ZSWIM7: variants seen among roughly 807,000 people sequenced by gnomAD.
The protein encoded by ZSWIM7 is zinc finger SWIM domain-containing protein 7.
A neutral mutation model predicts 21.1 loss-of-function variants in ZSWIM7; 22 were observed. The observed-to-expected ratio is 1.04, with a 90% CI of 0.74 to 1.49. The LOEUF is 1.49. ZSWIM7 is among the 40% of genes most tolerant of loss of function. The probability of loss-of-function intolerance (pLI) is 0.00; values close to 1 mark genes in which losing one functional copy is unlikely to be tolerated. For synonymous variants in ZSWIM7, 67 were observed against 66.5 expected, an observed-to-expected ratio of 1.01 and a Z score of -0.04; for missense variants, 193 against 168.0, an observed-to-expected ratio of 1.15 and a Z score of -0.82.
chr17:15,998,091 C>G (rs1210575750), intron 1 of ZSWIM7, among the ~76,000 whole-genome samples: 2 of 150,452 alleles, frequency 1.3e-5, no homozygotes, highest in Non-Finnish European at 2.9e-5. Context: ...CAGAGCAAGA[C>G]TCTGTCTAAA....
chr17:15,989,558 T>TC (rs1435138355), intron 2 of ZSWIM7, among the ~76,000 whole-genome samples: 2 of 152,074 alleles, frequency 1.3e-5, no homozygotes, highest in Non-Finnish European at 2.9e-5. Context: ...CCTGAGGTGA[T>TC]CCCCCCGCCT....
In ZSWIM7 at chr17:15,991,534, AGTTAT is replaced by A. The variant is rs562078094; in HGVS notation, c.98+2218_98+2222del. On this transcript the variant is annotated intron_variant, in intron 2 of 4. Coordinates refer to ENST00000399277, the MANE Select transcript of ZSWIM7 (RefSeq NM_001042697.2). The stretch of plus-strand genomic sequence containing the variant: ...GTGGTCACTAATTTTCTAGATGAAA[AGTTAT>A]GTTATGTTAATTTGTATTTTTGTGG... Among the ~76,000 whole-genome samples the A allele has an allele frequency of 9.2e-5, 14 of 152,276 alleles. No homozygotes were observed. The South Asian group carries it at 1.7e-3, about 18-fold the overall frequency.
rs1030653991 is a variant in ZSWIM7, at chr17:15,985,637, T to A, written c.201+1629A>T. ...ACAATTCTTGGAAGTTAGTATTTTA[T>A]AATTAATAAAGCAATGTAATATATA... On this transcript the variant is annotated intron_variant, in intron 3 of 4. Transcript: ENST00000399277. Among the ~76,000 whole-genome samples the A allele has an allele frequency of 2.8e-4, 43 of 152,220 alleles. 1 individual carries two copies. The highest frequency in any genetic ancestry group is 8.3e-4 in the South Asian group (4 of 4,830).
chr17:15,983,956 C>T (rs901325549), intron 3 of ZSWIM7, among the ~76,000 whole-genome samples: 1 of 152,048 alleles, frequency 6.6e-6, no homozygotes, highest in East Asian at 1.9e-4. Context: ...TTAGTTATCT[C>T]GTCTCTTCTC....
intron 3 of ZSWIM7, among the ~76,000 whole-genome samples, chr17:15,982,163 G>A (rs931006669): frequency 6.6e-6 from 1 of 151,796 alleles, no homozygotes; most frequent in Non-Finnish European, 1.5e-5. Context: ...TGGTCAAGAG[G>A]GACAAAAAGG....
At chr17:15,980,638 G>A (rs763277740) in intron 4 of ZSWIM7, among the ~76,000 whole-genome samples, 27 of 152,210 alleles carry the variant, frequency 1.8e-4, no homozygotes, top group Admixed American at 3.9e-4. Flanking sequence ...TGCCCCATGT[G>A]AAGGTCAAGT....
At chr17:15,981,237 C>T in intron 3 of ZSWIM7, 93 bp from the exon 4 acceptor site, 1 of 851,258 alleles carries the variant, frequency 1.2e-6, no homozygotes, top group Non-Finnish European at 1.9e-6. Flanking sequence ...AGTTGCTCTG[C>T]AAATTGCACC....
Position 15,993,348 on chromosome 17 carries a change from T to TTTA in ZSWIM7, c.98+408_98+409insTAA, listed in dbSNP as rs1266063121. ...GTAGTAAGAATATTTTTATTTTTTATTTTATTTATTTATTTATTTATTTAT... is the reference window on the plus strand; with the variant it reads ...GTAGTAAGAATATTTTTATTTTTTATTTATTTATTTATTTATTTATTTATTTAT... On this transcript the variant is annotated intron_variant, in intron 2 of 4. Coordinates refer to ENST00000399277, the MANE Select transcript of ZSWIM7 (RefSeq NM_001042697.2). 5.1e-4 allele frequency among the ~76,000 whole-genome samples: 72 copies of TTTA among 142,438 alleles called. 1 individual carries two copies. The highest frequency in any genetic ancestry group is 1.9e-3 in the African/African-American group (69 of 36,236). 93.4% of individuals were successfully genotyped at this position (142,438 alleles called of 152,430 possible).
At position 15,981,024 on chromosome 17, in the gene ZSWIM7, T is replaced by C. The variant is rs752485428; in HGVS notation, c.306+16A>G. On this transcript the variant is annotated intron_variant, in intron 4 of 4. Coordinates refer to ENST00000399277, the MANE Select transcript of ZSWIM7 (RefSeq NM_001042697.2). ...CTACATTCAACTACAGTGGGAAGAGTCTTCCCCATCCTCACCAGGATGCTG... is the reference window on the plus strand; with the variant it reads ...CTACATTCAACTACAGTGGGAAGAGCCTTCCCCATCCTCACCAGGATGCTG... 33 of 1,594,240 alleles carry C rather than the reference T, an allele frequency of 2.1e-5. No individual in the cohort carries two copies. The highest frequency in any genetic ancestry group is 2.7e-5 in the Non-Finnish European group (31 of 1,164,666).
At chr17:15,986,419 G>C (rs1156716978) in intron 3 of ZSWIM7, among the ~76,000 whole-genome samples, 1 of 152,270 alleles carries the variant, frequency 6.6e-6, no homozygotes, top group African/African-American at 2.4e-5. Context: ...GCCAGGTACA[G>C]AATGACAAAT....
At position 15,978,156 on chromosome 17, in the gene ZSWIM7, T is replaced by C. The variant is rs1567788196; in HGVS notation, c.314A>G (p.His105Arg). The part of the protein sequence containing the change: ...LRKSDSILCK[H>R]LLAVYLSQVM... ...CTGACTCAGGTAAACTGCCAAGAGATGCTTGCACTGGAATATAAAACACAC... is the reference window on the plus strand; with the variant it reads ...CTGACTCAGGTAAACTGCCAAGAGACGCTTGCACTGGAATATAAAACACAC... The change falls in exon 5 of 5, where the codon CAT (histidine) becomes CGT (arginine). Residue 105 changes from histidine to arginine, a missense_variant. By Grantham distance (29) the His-to-Arg change is conservative (BLOSUM62 0). Transcript: ENST00000399277. 1 of 1,613,366 alleles carries C rather than the reference T, an allele frequency of 6.2e-7. No individual in the cohort carries two copies. The highest frequency in any genetic ancestry group is 2.2e-5 in the East Asian group (1 of 44,880).
At chr17:15,981,432 G>A (rs560322052) in intron 3 of ZSWIM7, among the ~76,000 whole-genome samples, 12 of 151,662 alleles carry the variant, frequency 7.9e-5, no homozygotes, top group African/African-American at 2.9e-4. Context: ...TGATTCATGG[G>A]GCCCACTCTA....
chr17:15,978,259 A>G, intron 4 of ZSWIM7, 96 bp from the exon 5 acceptor site: 1 of 872,954 alleles, frequency 1.1e-6, no homozygotes, highest in Non-Finnish European at 1.9e-6. Flanking sequence ...TTGGCAGGAG[A>G]AGACTAGAGC....
chr17:15,979,443 C>T (rs1004661227), intron 4 of ZSWIM7, among the ~76,000 whole-genome samples: 19 of 152,252 alleles, frequency 1.2e-4, no homozygotes, highest in Non-Finnish European at 2.5e-4. Context: ...CTACCTTTCC[C>T]TGCTTTCTAT....
At chr17:15,992,418 T>C (rs1476118162) in intron 2 of ZSWIM7, among the ~76,000 whole-genome samples, 1 of 151,022 alleles carries the variant, frequency 6.6e-6, no homozygotes, top group African/African-American at 2.4e-5. Context: ...TTCTTTTTCA[T>C]GTGTTAGTTG....
At chr17:15,980,041 C>T (rs1187608206) in intron 4 of ZSWIM7, among the ~76,000 whole-genome samples, 1 of 148,114 alleles carries the variant, frequency 6.8e-6, no homozygotes, top group Non-Finnish European at 1.5e-5. Flanking sequence ...GGGGCTGACC[C>T]CCCCACCTCC....
intron 3 of ZSWIM7, among the ~76,000 whole-genome samples, chr17:15,983,425 C>T (rs1408316753): frequency 6.8e-6 from 1 of 147,426 alleles, no homozygotes; most frequent in Non-Finnish European, 1.5e-5. Context: ...ATATTACCTA[C>T]TGCAAGGCTC....
chr17:15,999,404 A>C, intron 1 of ZSWIM7, 115 bp downstream of exon 1: 10 of 1,314,638 alleles, frequency 7.6e-6, no homozygotes, highest in Non-Finnish European at 1.1e-5. Flanking sequence ...AGAGAACCAC[A>C]TGGAAAAAAG....
Position 15,981,161 on chromosome 17 carries a change from G to C in ZSWIM7, c.202-17C>G. On this transcript the variant is annotated splice_polypyrimidine_tract_variant and intron_variant, in intron 3 of 4. Transcript: ENST00000399277. ...TCCAAGGACCTACAAAGAAAGGATA[G>C]ATGGGATCAGACCTCAGATGTGCTG... The C allele has an allele frequency of 6.3e-7, 1 of 1,596,212 alleles. No individual in the cohort carries two copies. Among genetic ancestry groups the C allele is most frequent in the Non-Finnish European group, 8.6e-7 (1 of 1,164,418 alleles).
Sources: allele counts gnomAD v4.1 joint callset (sites outside exome capture counted in the v4.1 genomes callset), GRCh38; gene constraint gnomAD v4.1.1; transcripts MANE v1.5; gene names NCBI Gene and HGNC (gene_info 2026-07-23, HGNC 2026-07-21).